WDFY4: variants seen among roughly 807,000 people sequenced by gnomAD.
WDFY4 encodes the protein WDFY family member 4, also known as WD repeat- and FYVE domain-containing protein 4.
A neutral mutation model predicts 351.9 loss-of-function variants in WDFY4; 169 were observed. The observed-to-expected ratio is 0.48, with a 90% CI of 0.42 to 0.55. The LOEUF (loss-of-function observed/expected upper bound fraction) is 0.55, where lower values mean the gene tolerates loss of function less well. Among genes scored for constraint, WDFY4 ranks in the 20% least tolerant of loss-of-function variants. WDFY4 has a pLI of 0.00. For synonymous variants in WDFY4, 1,622 were observed against 1,574.6 expected (o/e 1.03, Z -0.71); for missense variants, 3,803 against 3,935.6 (o/e 0.97, Z 0.90).
At chr10:48,785,245 T>C (rs1249675241) in intron 19 of WDFY4, among the ~76,000 whole-genome samples, 2 of 152,226 alleles carry the variant, frequency 1.3e-5, no homozygotes, top group African/African-American at 4.8e-5. Context: ...ATATATATTC[T>C]AGACACTAGT....
At chr10:48,913,362 C>G (rs80176262) in intron 47 of WDFY4, 1 of 1,594,246 alleles carries the variant, frequency 6.3e-7, no homozygotes. Context: ...CTCTCTTTCC[C>G]TTCTGCCTCA....
At chr10:48,731,015 C>T in intron 8 of WDFY4, 95 bp from the exon 9 acceptor site, 1 of 1,348,438 alleles carries the variant, frequency 7.4e-7, no homozygotes, top group East Asian at 2.5e-5. Flanking sequence ...AACACAGAAA[C>T]TTCAAATGGC....
intron 43 of WDFY4, among the ~76,000 whole-genome samples, chr10:48,887,133 T>C (rs2070488282): frequency 1.3e-5 from 2 of 152,236 alleles, no homozygotes; most frequent in South Asian, 4.1e-4. Flanking sequence ...ACTTAAGTCT[T>C]CCCAAAGGGA....
chr10:48,685,281 C>A (rs1164617349), intron 1 of WDFY4, among the ~76,000 whole-genome samples: 1 of 152,138 alleles, frequency 6.6e-6, no homozygotes, highest in Non-Finnish European at 1.5e-5. Flanking sequence ...TGGGCTCCAG[C>A]AGCACTCCTC....
chr10:48,958,304 G>A (rs142680040), intron 52 of WDFY4, among the ~76,000 whole-genome samples: 8 of 152,336 alleles, frequency 5.3e-5, no homozygotes, highest in East Asian at 3.9e-4. Flanking sequence ...CCTCACATGC[G>A]TCAGGGGTGA....
intron 54 of WDFY4, among the ~76,000 whole-genome samples, chr10:48,965,365 C>T (rs1842030366): frequency 6.6e-6 from 1 of 152,220 alleles, no homozygotes; most frequent in Admixed American, 6.5e-5. Context: ...GATTGCAGCA[C>T]TCAGACTCCA....
At chr10:48,875,213 T>C in intron 42 of WDFY4, 73 bp downstream of exon 42, 1 of 878,842 alleles carries the variant, frequency 1.1e-6, no homozygotes. Flanking sequence ...TTATTAAAGA[T>C]ATTAAATTAA....
chr10:48,952,929 T>C (rs909603750), intron 51 of WDFY4, among the ~76,000 whole-genome samples: 4 of 152,178 alleles, frequency 2.6e-5, no homozygotes, highest in African/African-American at 9.7e-5. Flanking sequence ...TGGGTCCAGC[T>C]TTCCTTTCCC....
intron 12 of WDFY4, among the ~76,000 whole-genome samples, chr10:48,751,084 T>G (rs554476983): frequency 6.6e-6 from 1 of 152,326 alleles, no homozygotes; most frequent in Admixed American, 6.5e-5. Context: ...TGCCTGCTCC[T>G]CTTCTGGGCT....
At chr10:48,777,080 G>C in intron 16 of WDFY4, 96 bp downstream of exon 16, 1 of 1,365,874 alleles carries the variant, frequency 7.3e-7, no homozygotes, top group African/African-American at 1.5e-5. Flanking sequence ...AGTTCCCATT[G>C]AATCTCACCA....
At chr10:48,803,467 C>A (rs2067150868) in intron 25 of WDFY4, 108 bp downstream of exon 25, 2 of 1,079,686 alleles carry the variant, frequency 1.9e-6, no homozygotes, top group Non-Finnish European at 1.3e-6. Context: ...AACACTGGGT[C>A]CCCAAATGGG....
At chr10:48,711,018 A>G (rs1207070317) in intron 2 of WDFY4, among the ~76,000 whole-genome samples, 1 of 152,254 alleles carries the variant, frequency 6.6e-6, no homozygotes, top group East Asian at 1.9e-4. Flanking sequence ...CAAAATATTC[A>G]AAGCAGAGAG....
At chr10:48,927,164 T>C (rs1265255709) in intron 47 of WDFY4, among the ~76,000 whole-genome samples, 1 of 152,200 alleles carries the variant, frequency 6.6e-6, no homozygotes, top group Non-Finnish European at 1.5e-5. Context: ...TCTCGTTAAG[T>C]ACTTCTGCTG....
chr10:48,960,628 C>T (rs138755855), intron 53 of WDFY4, among the ~76,000 whole-genome samples: 1 of 152,260 alleles, frequency 6.6e-6, no homozygotes, highest in East Asian at 1.9e-4. Context: ...GAATCTTCAC[C>T]AGGTTTATTC....
intron 2 of WDFY4, among the ~76,000 whole-genome samples, chr10:48,713,855 C>A (rs538566283): frequency 4.6e-5 from 7 of 152,274 alleles, no homozygotes; most frequent in African/African-American, 1.7e-4. Flanking sequence ...CTGTGCTAAG[C>A]AACCTGTATA....
chr10:48,844,257 G>C (rs2068703533), intron 39 of WDFY4, among the ~76,000 whole-genome samples: 1 of 152,210 alleles, frequency 6.6e-6, no homozygotes, highest in Non-Finnish European at 1.5e-5. Context: ...GAAGGAAGGA[G>C]AGATGGAATG....
At chr10:48,722,678 C>T (rs1245628349) in intron 4 of WDFY4, among the ~76,000 whole-genome samples, 1 of 152,232 alleles carries the variant, frequency 6.6e-6, no homozygotes, top group Non-Finnish European at 1.5e-5. Context: ...CGTGCACACA[C>T]ACATGCACAC....
At chr10:48,696,303 T>A (rs956608100) in intron 1 of WDFY4, among the ~76,000 whole-genome samples, 1 of 152,202 alleles carries the variant, frequency 6.6e-6, no homozygotes, top group Non-Finnish European at 1.5e-5. Flanking sequence ...GTGCTGGCCA[T>A]GCAGGGCCCA....
intron 39 of WDFY4, among the ~76,000 whole-genome samples, chr10:48,850,316 G>T (rs968088299): frequency 1.3e-5 from 2 of 152,148 alleles, no homozygotes; most frequent in South Asian, 2.1e-4. Context: ...AGGAAGTTTT[G>T]TCTCTTCTTC....
Sources: allele counts gnomAD v4.1 joint callset (sites outside exome capture counted in the v4.1 genomes callset), GRCh38; gene constraint gnomAD v4.1.1; transcripts MANE v1.5; gene names NCBI Gene and HGNC (gene_info 2026-07-23, HGNC 2026-07-21).